NAALADL2: variants seen among roughly 807,000 people sequenced by gnomAD.
NAALADL2 encodes the protein inactive N-acetylated-alpha-linked acidic dipeptidase-like protein 2.
In NAALADL2, 76 loss-of-function variants were observed where a neutral mutation model predicts 87.2. That is an observed-to-expected ratio of 0.87 (90% CI 0.72 to 1.05). The LOEUF is 1.05. Ranked by LOEUF, NAALADL2 falls within the 50% of genes least tolerant of loss-of-function variation. NAALADL2 has a pLI of 0.00. For missense variants in NAALADL2, 1,089 were observed against 945.8 expected, an observed-to-expected ratio of 1.15 and a Z score of -1.99; for synonymous variants, 354 against 331.0, an observed-to-expected ratio of 1.07 and a Z score of -0.75.
chr3:175,441,783 A>G (rs1359978620), intron 5 of NAALADL2, among the ~76,000 whole-genome samples: 1 of 152,038 alleles, frequency 6.6e-6, no homozygotes, highest in Non-Finnish European at 1.5e-5. Flanking sequence ...ATCATCATTA[A>G]AACACACCAG....
intron 11 of NAALADL2, among the ~76,000 whole-genome samples, chr3:175,732,804 G>T (rs1743954159): frequency 6.6e-6 from 1 of 151,694 alleles, no homozygotes; most frequent in Non-Finnish European, 1.5e-5. Flanking sequence ...GGTAAATTTG[G>T]GAGAAAACTA....
chr3:174,447,637 G>A (rs1715154897), intron 1 of NAALADL2, among the ~76,000 whole-genome samples: 1 of 151,960 alleles, frequency 6.6e-6, no homozygotes, highest in African/African-American at 2.4e-5. Context: ...CTAACACGGT[G>A]AAACCTCGTC....
chr3:174,578,756 A>G (rs955878683), intron 2 of NAALADL2, among the ~76,000 whole-genome samples: 3 of 151,930 alleles, frequency 2.0e-5, no homozygotes, highest in African/African-American at 7.2e-5. Flanking sequence ...ATATAAAAAC[A>G]TAGGAGGATT....
At chr3:175,145,288 T>C (rs939476741) in intron 2 of NAALADL2, among the ~76,000 whole-genome samples, 1 of 152,044 alleles carries the variant, frequency 6.6e-6, no homozygotes, top group African/African-American at 2.4e-5. Flanking sequence ...CCTTTAGCTC[T>C]CTGAATTTTT....
At chr3:175,398,459 T>C (rs2149048437) in intron 5 of NAALADL2, among the ~76,000 whole-genome samples, 1 of 151,902 alleles carries the variant, frequency 6.6e-6, no homozygotes, top group East Asian at 1.9e-4. Flanking sequence ...AAGCACTGTA[T>C]GGTTCTCATT....
intron 2 of NAALADL2, among the ~76,000 whole-genome samples, chr3:175,123,031 CATT>C (rs1560056264): frequency 6.6e-6 from 1 of 151,864 alleles, no homozygotes; most frequent in Non-Finnish European, 1.5e-5. Context: ...ATGATAATGA[CATT>C]AATCCATTTA....
rs1722945963 is a variant in NAALADL2 at position 174,639,304 on chromosome 3, T to C, written c.-115+88667T>C. 2.0e-5 allele frequency among the ~76,000 whole-genome samples: 3 copies of C among 152,340 alleles called. No homozygotes were observed. In the South Asian group the frequency reaches 6.2e-4, roughly 32 times the overall value. ...CCTGTATGTTTATTTATTATTGAGT[T>C]CTTTCAATGTAATGGAAATTTCCAT... On this transcript the variant is annotated intron_variant, in intron 2 of 3. Coordinates refer to the NAALADL2 transcript ENST00000434257.
chr3:175,459,007 T>C (rs1462047009), intron 6 of NAALADL2, among the ~76,000 whole-genome samples: 2 of 152,080 alleles, frequency 1.3e-5, no homozygotes, highest in Admixed American at 6.6e-5. Context: ...GGTACACATG[T>C]GCCCACACAC....
At chr3:175,234,332 A>C in intron 3 of NAALADL2, 128 bp downstream of exon 3, 1 of 1,018,556 alleles carries the variant, frequency 9.8e-7, no homozygotes, top group East Asian at 2.5e-5. Flanking sequence ...TCAGTGTGGA[A>C]GTGCCAGGAA....
At chr3:174,863,584 A>T (rs938166554) in intron 1 of NAALADL2, among the ~76,000 whole-genome samples, 1 of 152,152 alleles carries the variant, frequency 6.6e-6, no homozygotes, top group African/African-American at 2.4e-5. Context: ...AAAAGAAAAA[A>T]AAAACAACTC....
intron 11 of NAALADL2, among the ~76,000 whole-genome samples, chr3:175,659,876 C>T (rs913358533): frequency 1.3e-5 from 2 of 152,100 alleles, no homozygotes; most frequent in Non-Finnish European, 2.9e-5. Flanking sequence ...AAACTGAATT[C>T]GGTTTTCAGT....
At chr3:174,737,413 T>C (rs1363032147) in intron 2 of NAALADL2, among the ~76,000 whole-genome samples, 2 of 152,236 alleles carry the variant, frequency 1.3e-5, no homozygotes, top group Non-Finnish European at 2.9e-5. Context: ...GAAAAGTATT[T>C]GTGTGTTTTT....
At chr3:175,356,971 C>T (rs1223862260) in intron 5 of NAALADL2, among the ~76,000 whole-genome samples, 1 of 152,054 alleles carries the variant, frequency 6.6e-6, no homozygotes, top group Non-Finnish European at 1.5e-5. Flanking sequence ...CTCAATAGCT[C>T]AGTTCCTTCT....
chr3:174,855,803 CACACACACACACACACAT>C (rs1186222035), upstream of NAALADL2, among the ~76,000 whole-genome samples: 5 of 149,652 alleles, frequency 3.3e-5, no homozygotes, highest in African/African-American at 1.2e-4. Context: ...CACACACACA[CACACACACACACACACAT>C]GTATATGTCT....
intron 3 of NAALADL2, among the ~76,000 whole-genome samples, chr3:174,830,783 T>G (rs1448167520): frequency 2.0e-5 from 3 of 152,130 alleles, no homozygotes; most frequent in African/African-American, 7.2e-5. Context: ...TTTATTTCCT[T>G]GAGCAGTAGT....
intron 5 of NAALADL2, among the ~76,000 whole-genome samples, chr3:175,332,516 G>C (rs960672987): frequency 6.6e-6 from 1 of 152,168 alleles, no homozygotes; most frequent in African/African-American, 2.4e-5. Context: ...GCCCAGTCTA[G>C]TCTCAACTTC....
intron 2 of NAALADL2, among the ~76,000 whole-genome samples, chr3:175,190,699 G>A (rs1041146187): frequency 3.9e-5 from 6 of 152,086 alleles, no homozygotes; most frequent in African/African-American, 1.2e-4. Context: ...AATATGGGCC[G>A]GGCGCGGTGG....
intron 13 of NAALADL2, among the ~76,000 whole-genome samples, chr3:175,779,474 T>G (rs575195303): frequency 6.6e-6 from 1 of 152,306 alleles, no homozygotes; most frequent in South Asian, 2.1e-4. Context: ...TGTTTACTTC[T>G]TTAAAGTGTT....
Position 175,009,055 on chromosome 3 carries a change from CT to C in NAALADL2, c.44-87732del, listed in dbSNP as rs1243907405. 3.0e-4 allele frequency among the ~76,000 whole-genome samples: 46 copies of C among 152,082 alleles called. 1 individual carries two copies. On this transcript the variant is annotated intron_variant, in intron 1 of 13. Transcript: ENST00000454872. ...ACCATTTGCTAATGATAAATTTTAT[CT>C]TTCTAGAGCAGTAGTTTTAAACTTT...
Sources: allele counts gnomAD v4.1 joint callset (sites outside exome capture counted in the v4.1 genomes callset), GRCh38; gene constraint gnomAD v4.1.1; transcripts MANE v1.5; gene names NCBI Gene and HGNC (gene_info 2026-07-23, HGNC 2026-07-21).